CENPW: variants seen among roughly 807,000 people sequenced by gnomAD.
CENPW encodes cancer-up-regulated gene 2 protein.
CENPW carries 3 observed loss-of-function variants against 11.1 expected under a neutral mutation model. The ratio of observed to expected loss-of-function variants is 0.27; its 90% CI spans 0.12 to 0.70. The LOEUF is 0.70. Among genes scored for constraint, CENPW ranks in the 30% least tolerant of loss-of-function variants. CENPW has a pLI of 0.77. For missense variants in CENPW, 100 were observed against 105.6 expected (o/e 0.95, Z 0.23); for synonymous variants, 38 against 42.0 (o/e 0.91, Z 0.37).
chr6:126,385,781 C>T, the CENPW span, among the ~76,000 whole-genome samples: 1 of 152,084 alleles, frequency 6.6e-6, no homozygotes, highest in Admixed American at 6.6e-5. Context: ...CTTGCTTCCC[C>T]TTCGCTTTCT....
In CENPW at chr6:126,340,139, G is replaced by A. The variant is rs1168128269; in HGVS notation, c.-135G>A. 6 of 829,150 alleles carry A rather than the reference G, an allele frequency of 7.2e-6. No individual in the cohort carries two copies. The African/African-American group carries it at 1.0e-4, about 14-fold the overall frequency. 51.4% of individuals were successfully genotyped at this position (829,150 alleles called of 1,614,324 possible). ...CGTTCCGTTGGCGGCGGATTCGAAC[G>A]TTCGGACTGAGGTTTTTCTGCCTGA... On this transcript the variant is annotated 5_prime_UTR_variant, in exon 1 of 3. Transcript: ENST00000368328.
downstream of CENPW, among the ~76,000 whole-genome samples, chr6:126,352,726 C>CTTAGTAAT (rs1780505230): frequency 6.6e-6 from 1 of 152,122 alleles, no homozygotes; most frequent in Admixed American, 6.5e-5. Flanking sequence ...TTCATCTTAT[C>CTTAGTAAT]TGGTAGTCTT....
At chr6:126,431,692 T>C in the CENPW span, among the ~76,000 whole-genome samples, 7 of 152,166 alleles carry the variant, frequency 4.6e-5, no homozygotes, top group South Asian at 4.1e-4. Flanking sequence ...TCCTAGCTGA[T>C]ATATATAATA....
the CENPW span, among the ~76,000 whole-genome samples, chr6:126,375,474 C>T: frequency 1.3e-5 from 2 of 152,242 alleles, no homozygotes; most frequent in South Asian, 4.2e-4. Context: ...TGCAGTACTC[C>T]ATGGTGATGA....
the CENPW span, among the ~76,000 whole-genome samples, chr6:126,367,258 G>C: frequency 6.6e-6 from 1 of 152,032 alleles, no homozygotes; most frequent in African/African-American, 2.4e-5. Context: ...TTGTGTAGTA[G>C]TGAAGTTTGG....
chr6:126,364,617 C>T, the CENPW span, among the ~76,000 whole-genome samples: 1 of 152,194 alleles, frequency 6.6e-6, no homozygotes, highest in African/African-American at 2.4e-5. Context: ...GTTATCCCTA[C>T]CCCTATCCAT....
the CENPW span, among the ~76,000 whole-genome samples, chr6:126,384,860 C>T: frequency 6.6e-6 from 1 of 152,142 alleles, no homozygotes; most frequent in Admixed American, 6.6e-5. Flanking sequence ...TCTTTGCAAA[C>T]TATGCATCTG....
chr6:126,414,808 AG>A, the CENPW span, among the ~76,000 whole-genome samples: 1 of 151,978 alleles, frequency 6.6e-6, no homozygotes, highest in African/African-American at 2.4e-5. Context: ...CTAAAAAAAA[AG>A]ATGAAGAAAA....
chr6:126,404,709 G>T, the CENPW span, among the ~76,000 whole-genome samples: 1 of 151,966 alleles, frequency 6.6e-6, no homozygotes, highest in African/African-American at 2.4e-5. Context: ...CGTTATAACT[G>T]CAGTGAGATG....
the CENPW span, among the ~76,000 whole-genome samples, chr6:126,417,713 A>C: frequency 6.6e-6 from 1 of 152,188 alleles, no homozygotes; most frequent in South Asian, 2.1e-4. Context: ...CAGTAAGTCC[A>C]TTAAACCTCT....
At chr6:126,405,174 G>C in the CENPW span, among the ~76,000 whole-genome samples, 1 of 151,974 alleles carries the variant, frequency 6.6e-6, no homozygotes, top group African/African-American at 2.4e-5. Context: ...GTTGAGTTTT[G>C]TATATTGTGA....
At chr6:126,418,393 A>G in the CENPW span, among the ~76,000 whole-genome samples, 3 of 152,224 alleles carry the variant, frequency 2.0e-5, no homozygotes, top group Non-Finnish European at 2.9e-5. Context: ...GTATATCCAT[A>G]CCACTGGGAA....
At chr6:126,390,045 G>A in the CENPW span, among the ~76,000 whole-genome samples, 1 of 151,842 alleles carries the variant, frequency 6.6e-6, no homozygotes, top group Non-Finnish European at 1.5e-5. Flanking sequence ...CATAGGGAAG[G>A]ACAACATATT....
chr6:126,367,280 A>G, the CENPW span, among the ~76,000 whole-genome samples: 64 of 152,158 alleles, frequency 4.2e-4, no homozygotes, highest in African/African-American at 1.5e-3. Flanking sequence ...TTTTAAGTGT[A>G]CCTGTCACCC....
At chr6:126,405,323 G>A in the CENPW span, among the ~76,000 whole-genome samples, 2 of 152,050 alleles carry the variant, frequency 1.3e-5, no homozygotes, top group South Asian at 2.1e-4. Flanking sequence ...GTAGATACAT[G>A]GATTTATTTC....
chr6:126,445,044 C>T, the CENPW span, among the ~76,000 whole-genome samples: 1 of 151,118 alleles, frequency 6.6e-6, no homozygotes, highest in Admixed American at 6.6e-5. Context: ...GGTCAAGACT[C>T]CCCTGCATGA....
the CENPW span, among the ~76,000 whole-genome samples, chr6:126,476,075 T>C: frequency 6.6e-6 from 1 of 151,736 alleles, no homozygotes; most frequent in African/African-American, 2.4e-5. Context: ...TACATTTTTC[T>C]AGTTTTCCTA....
chr6:126,460,490 A>C, the CENPW span, among the ~76,000 whole-genome samples: 1 of 151,688 alleles, frequency 6.6e-6, no homozygotes, highest in African/African-American at 2.4e-5. Flanking sequence ...CTCAAATGTC[A>C]ACGCTGTGCC....
the CENPW span, among the ~76,000 whole-genome samples, chr6:126,426,430 A>G: frequency 6.6e-6 from 1 of 152,254 alleles, no homozygotes; most frequent in East Asian, 1.9e-4. Context: ...CTTCACTCTT[A>G]TATCTCCCAG....
Sources: gnomAD v4.1 joint callset for allele counts (sites outside exome capture counted in the v4.1 genomes callset) on GRCh38, gnomAD v4.1.1 for gene constraint, MANE v1.5 for transcripts, NCBI Gene and HGNC (gene_info 2026-07-23, HGNC 2026-07-21) for gene names.